The following EVI5L variants were observed in gnomAD, a reference collection of about 807,000 sequenced individuals.
EVI5L encodes the protein EVI5-like protein.
Under a neutral mutation model 106.1 loss-of-function variants are expected in EVI5L, and 30 were observed. The observed-to-expected ratio is 0.28, with a 90% CI of 0.21 to 0.38. The LOEUF (loss-of-function observed/expected upper bound fraction) is 0.38, where lower values mean the gene tolerates loss of function less well. Among genes scored for constraint, EVI5L ranks in the 10% least tolerant of loss-of-function variants. The probability of loss-of-function intolerance (pLI) is 1.00; values close to 1 mark genes in which losing one functional copy is unlikely to be tolerated. For missense variants in EVI5L, 809 were observed against 1,098.0 expected (o/e 0.74, Z 3.72); for synonymous variants, 489 against 483.3 (o/e 1.01, Z -0.15).
rs560716806 is a variant in EVI5L, at chr19:7,855,816, T to C, written c.1147-199T>C. 2.6e-5 allele frequency among the ~76,000 whole-genome samples: 4 copies of C among 152,328 alleles called. No homozygotes were observed. In the South Asian group the frequency reaches 8.3e-4, roughly 32 times the overall value. ...CCAGGTTTGTTTTAAAACTTTATTT[T>C]TTTGTAATCAAGCCAGTCTGAACAG... On this transcript the variant is annotated intron_variant, in intron 10 of 19. Coordinates refer to ENST00000538904, the MANE Select transcript of EVI5L (RefSeq NM_001159944.3).
In EVI5L at chr19:7,862,403, A is replaced by C. The variant is rs1240533509; in HGVS notation, c.1816A>C (p.Asn606His). The C allele has an allele frequency of 1.2e-6, 2 of 1,606,364 alleles. No individual in the cohort carries two copies. Among genetic ancestry groups the C allele is most frequent in the South Asian group, 2.2e-5 (2 of 90,390 alleles). ...CCTATCCCAGGACCACATCCACCGCAACCTTCTGAACCGCGTGGAGGCGGA... is the reference window on the plus strand; with the variant it reads ...CCTATCCCAGGACCACATCCACCGCCACCTTCTGAACCGCGTGGAGGCGGA... ...ELETQDHIHR[N>H]LLNRVEAERA... Residue 606 changes from asparagine to histidine, a missense_variant, in exon 17 of 20, where the codon AAC (asparagine) becomes CAC (histidine). By Grantham distance (68) the Asn-to-His change is moderately conservative. Coordinates refer to ENST00000538904, the MANE Select transcript of EVI5L (RefSeq NM_001159944.3).
Position 7,863,416 on chromosome 19 carries a change from C to T in EVI5L, c.2140-8C>T, listed in dbSNP as rs1979952717. The T allele has an allele frequency of 5.2e-6, 8 of 1,534,130 alleles. No individual in the cohort carries two copies. Among genetic ancestry groups the T allele is most frequent in the Non-Finnish European group, 6.1e-6 (7 of 1,140,668 alleles). Reference sequence around the variant, plus strand: ...GTCCACGCCTGCAGCGCCGGTCCCCCGCCCCAGGTGCGGCTGCTGAAGGGC... The same window carrying T: ...GTCCACGCCTGCAGCGCCGGTCCCCTGCCCCAGGTGCGGCTGCTGAAGGGC... On this transcript the variant is annotated splice_region_variant and splice_polypyrimidine_tract_variant and intron_variant, in intron 19 of 19. Coordinates refer to ENST00000538904, the MANE Select transcript of EVI5L (RefSeq NM_001159944.3). This position sits in a 1 kb window ranked among gnomAD's most constrained non-coding sequence, Gnocchi z 7.7.
At chr19:7,831,784 C>T (rs1391477852) in intron 1 of EVI5L, among the ~76,000 whole-genome samples, 1 of 152,254 alleles carries the variant, frequency 6.6e-6, no homozygotes, top group African/African-American at 2.4e-5. Context: ...CGCCTACTGG[C>T]CTCAAATGCC....
intron 15 of EVI5L, 47 bp from the exon 16 acceptor site, chr19:7,862,075 G>A (rs1336206964): frequency 1.3e-6 from 2 of 1,546,242 alleles, no homozygotes; most frequent in Non-Finnish European, 1.7e-6. Context: ...TCCCCTCGGG[G>A]TTCTTGGGCG....
intron 1 of EVI5L, among the ~76,000 whole-genome samples, chr19:7,830,696 A>T (rs1978290495): frequency 7.6e-6 from 1 of 130,944 alleles, no homozygotes; most frequent in Admixed American, 7.8e-5. Flanking sequence ...CCTCTCCGGG[A>T]ACCCCCTCAG....
chr19:7,831,223 CCAAACACACACACA>C (rs1568229724), intron 1 of EVI5L, among the ~76,000 whole-genome samples: 1 of 87,262 alleles, frequency 1.1e-5, no homozygotes, highest in Non-Finnish European at 2.2e-5. Flanking sequence ...TCTGAAAACC[CCAAACACACACACA>C]CACACACACA....
intron 8 of EVI5L, 39 bp downstream of exon 8, chr19:7,851,809 A>T (rs72992190): frequency 1.4e-6 from 2 of 1,469,564 alleles, no homozygotes; most frequent in Non-Finnish European, 1.8e-6. Context: ...GCTGCCCCCA[A>T]TCAGGGGCTT....
At chr19:7,842,863 A>G (rs1356353513) in intron 1 of EVI5L, among the ~76,000 whole-genome samples, 1 of 147,472 alleles carries the variant, frequency 6.8e-6, no homozygotes, top group Non-Finnish European at 1.5e-5. Flanking sequence ...GAGTGTGTCC[A>G]TGTGTATGTG....
Position 7,856,960 on chromosome 19 carries a change from C to G in EVI5L, c.1201-132C>G. 1 of 936,670 alleles carries G rather than the reference C, an allele frequency of 1.1e-6. No individual in the cohort carries two copies. Among genetic ancestry groups the G allele is most frequent in the South Asian group, 1.4e-5 (1 of 72,066 alleles). The allele number at this position is 936,670 out of a possible 1,614,324, so 58.0% of individuals were successfully genotyped here. ...CCTGCTGGTTCTCTGGTCTTCCCTC[C>G]TCTCTCCCCCGCTTCTAGAGATAGT... On this transcript the variant is annotated intron_variant, in intron 11 of 19. Coordinates refer to ENST00000538904, the MANE Select transcript of EVI5L (RefSeq NM_001159944.3). The surrounding 1 kb of genome is among the most constrained non-coding windows in gnomAD (Gnocchi z 6.6).
rs1292295709 is a variant in EVI5L, at chr19:7,857,980, C to T, written c.1234-211C>T. On this transcript the variant is annotated intron_variant, in intron 12 of 19. Coordinates refer to ENST00000538904, the MANE Select transcript of EVI5L (RefSeq NM_001159944.3). This position sits in a 1 kb window ranked among gnomAD's most constrained non-coding sequence, Gnocchi z 4.5. ...AGCCCAGGGCTAGCTCTGTTCCTCC[C>T]GGGCTCCTCCAGGTGTCCTATTCCT... 3.5e-6 allele frequency: 2 copies of T among 579,688 alleles called. No individual in the cohort carries two copies. The highest frequency in any genetic ancestry group is 2.9e-5 in the East Asian group (1 of 33,950). The allele number at this position is 579,688 out of a possible 1,614,324, so 35.9% of individuals were successfully genotyped here.
Position 7,861,861 on chromosome 19 carries a change from C to A in EVI5L, c.1504-17C>A. On this transcript the variant is annotated splice_polypyrimidine_tract_variant and intron_variant, in intron 14 of 19. Coordinates refer to ENST00000538904, the MANE Select transcript of EVI5L (RefSeq NM_001159944.3). ...GCTGCGCTGCTCCCCCAGGCCCTGACCCCACTCTTCCCGCAGAGGAACAGC... is the reference window on the plus strand; with the variant it reads ...GCTGCGCTGCTCCCCCAGGCCCTGAACCCACTCTTCCCGCAGAGGAACAGC... 6.5e-7 allele frequency: 1 copy of A among 1,550,284 alleles called. No homozygotes were observed. The highest frequency in any genetic ancestry group is 8.7e-7 in the Non-Finnish European group (1 of 1,147,028).
chr19:7,860,758 T>C (rs1979762079), intron 14 of EVI5L, 69 bp downstream of exon 14: 1 of 1,467,374 alleles, frequency 6.8e-7, no homozygotes, highest in African/African-American at 1.4e-5. Context: ...CTGGATAAGC[T>C]TTGGGAGTGA....
chr19:7,854,765 T>G (rs540507353), intron 10 of EVI5L, among the ~76,000 whole-genome samples: 62 of 152,342 alleles, frequency 4.1e-4, no homozygotes, highest in African/African-American at 1.4e-3. Flanking sequence ...GAAATAGCTC[T>G]GACCCAGCTG....
Position 7,848,962 on chromosome 19 carries a change from C to T in EVI5L, c.369C>T (p.Ile123=), listed in dbSNP as rs1979096533. ...RKGIPHHFRA[I]VWQLLCSATD... The stretch of plus-strand genomic sequence containing the variant: ...GCATCCCCCACCACTTCCGGGCCAT[C>T]GTGTGGCAGCTTCTGTGCAGCGCCA... Residue 123 remains isoleucine (I), a synonymous_variant, in exon 4 of 20, where the codon ATC becomes ATT. Transcript: ENST00000538904. The surrounding 1 kb of genome is among the most constrained non-coding windows in gnomAD (Gnocchi z 4.8). 18 of 1,613,114 alleles carry T rather than the reference C, an allele frequency of 1.1e-5. No homozygotes were observed. Among genetic ancestry groups the T allele is most frequent in the Non-Finnish European group, 1.4e-5 (17 of 1,179,682 alleles).
intron 8 of EVI5L, among the ~76,000 whole-genome samples, chr19:7,852,451 C>G (rs1166619677): frequency 1.3e-5 from 2 of 152,140 alleles, no homozygotes; most frequent in African/African-American, 4.8e-5. Context: ...CCCGGCATAC[C>G]CATCCTCCTT....
intron 13 of EVI5L, among the ~76,000 whole-genome samples, chr19:7,859,585 CAG>C (rs1222325434): frequency 1.3e-5 from 2 of 152,268 alleles, no homozygotes; most frequent in Non-Finnish European, 2.9e-5. Flanking sequence ...TTGTGGCCCT[CAG>C]AGTCTGTGAG....
intron 10 of EVI5L, among the ~76,000 whole-genome samples, chr19:7,854,944 G>A (rs866953815): frequency 6.6e-6 from 1 of 152,226 alleles, no homozygotes; most frequent in Non-Finnish European, 1.5e-5. Context: ...GAAATATTCT[G>A]TGTGACCTGC....
chr19:7,840,202 C>T (rs140698344), intron 1 of EVI5L, among the ~76,000 whole-genome samples: 1,663 of 152,246 alleles, frequency 0.011, 14 homozygotes, highest in Middle Eastern at 0.02. Context: ...ACCTAGGCCA[C>T]GGGCAGTGGC....
At chr19:7,846,384 C>G in intron 1 of EVI5L, 112 bp from the exon 2 acceptor site, 2 of 979,608 alleles carry the variant, frequency 2.0e-6, no homozygotes, top group Non-Finnish European at 2.9e-6. Flanking sequence ...GGTGCACGGA[C>G]GGGGGTGGAC....
Sources: gnomAD v4.1 joint callset for allele counts (sites outside exome capture counted in the v4.1 genomes callset) on GRCh38, gnomAD v4.1.1 for gene constraint, Gnocchi (gnomAD v3.1) non-coding constraint, MANE v1.5 for transcripts, NCBI Gene and HGNC (gene_info 2026-07-23, HGNC 2026-07-21) for gene names.